Variants in KAZN observed in about 807,000 individuals in gnomAD.
The protein encoded by KAZN is kazrin, periplakin interacting protein, also known as kazrin.
Under a neutral mutation model 87.4 loss-of-function variants are expected in KAZN, and 40 were observed. The observed-to-expected ratio is 0.46, with a 90% CI of 0.36 to 0.60. The LOEUF is 0.60. KAZN is among the 20% of genes least tolerant of loss of function. The pLI is 0.00. For synonymous variants in KAZN, 466 were observed against 458.3 expected (o/e 1.02, Z -0.22); for missense variants, 898 against 1,073.9 (o/e 0.84, Z 2.29).
intron 2 of KAZN, among the ~76,000 whole-genome samples, chr1:14,504,765 C>A (rs1033126553): frequency 6.6e-6 from 1 of 152,210 alleles, no homozygotes; most frequent in African/African-American, 2.4e-5. Context: ...CTGCTCCACC[C>A]TCTGAGGTAA....
chr1:14,113,331 G>A (rs549379178), intron 1 of KAZN, among the ~76,000 whole-genome samples: 9 of 152,312 alleles, frequency 5.9e-5, no homozygotes, highest in Admixed American at 2.6e-4. Flanking sequence ...GATGTGTGGC[G>A]AAAGGATGAC....
intron 2 of KAZN, among the ~76,000 whole-genome samples, chr1:14,364,695 TTCTC>T (rs1420924546): frequency 1.3e-5 from 2 of 152,190 alleles, no homozygotes; most frequent in African/African-American, 4.8e-5. Context: ...CAGAAATTCA[TTCTC>T]TCTGAGTTCT....
chr1:14,597,941 TCAAC>T (rs1676612875), upstream of KAZN, among the ~76,000 whole-genome samples: 1 of 152,116 alleles, frequency 6.6e-6, no homozygotes, highest in African/African-American at 2.4e-5. Flanking sequence ...GCAGCAGGGC[TCAAC>T]TCTTCTGCTC....
At chr1:14,521,919 A>C (rs2148465626) in intron 2 of KAZN, among the ~76,000 whole-genome samples, 1 of 152,328 alleles carries the variant, frequency 6.6e-6, no homozygotes, top group Non-Finnish European at 1.5e-5. Context: ...TCATTTTCGG[A>C]GACATCAGCA....
At chr1:14,887,811 T>C (rs753764167) in intron 1 of KAZN, among the ~76,000 whole-genome samples, 10 of 152,152 alleles carry the variant, frequency 6.6e-5, no homozygotes, top group Non-Finnish European at 1.2e-4. Flanking sequence ...CCCTTCCTTC[T>C]TTCTCTGTCT....
intron 2 of KAZN, among the ~76,000 whole-genome samples, chr1:14,215,155 A>G (rs966378315): frequency 6.6e-6 from 1 of 152,218 alleles, no homozygotes; most frequent in Non-Finnish European, 1.5e-5. Context: ...TATGAAATTG[A>G]CAAAGTTTGG....
At chr1:14,086,668 TA>T (rs1351144499) in intron 1 of KAZN, among the ~76,000 whole-genome samples, 2 of 152,230 alleles carry the variant, frequency 1.3e-5, no homozygotes, top group Non-Finnish European at 2.9e-5. Flanking sequence ...TATTTTCTCC[TA>T]TTTTTTTCTA....
intron 1 of KAZN, among the ~76,000 whole-genome samples, chr1:14,141,216 C>G (rs1430131102): frequency 6.8e-6 from 1 of 146,682 alleles, no homozygotes; most frequent in East Asian, 2.0e-4. Flanking sequence ...CTCCATGACA[C>G]TGTTGAAGTG....
chr1:14,696,939 G>A (rs1641635555), intron 1 of KAZN, among the ~76,000 whole-genome samples: 1 of 152,046 alleles, frequency 6.6e-6, no homozygotes, highest in Non-Finnish European at 1.5e-5. Flanking sequence ...GGGGGTCCTT[G>A]AGTTCACATT....
chr1:14,607,160 A>G (rs1035526514), intron 1 of KAZN, among the ~76,000 whole-genome samples: 3 of 152,164 alleles, frequency 2.0e-5, no homozygotes, highest in African/African-American at 7.2e-5. Flanking sequence ...TATCATGAGG[A>G]TCATTGATTT....
chr1:13,906,944 G>C (rs1639460332), intron 1 of KAZN, among the ~76,000 whole-genome samples: 1 of 152,182 alleles, frequency 6.6e-6, no homozygotes, highest in African/African-American at 2.4e-5. Context: ...GATTCTTCGG[G>C]AAGTAAGGCT....
intron 1 of KAZN, among the ~76,000 whole-genome samples, chr1:14,659,211 G>A (rs905692350): frequency 6.6e-6 from 1 of 151,952 alleles, no homozygotes; most frequent in African/African-American, 2.4e-5. Context: ...CTGTGTGACA[G>A]ATCAAGACTC....
rs1469490699 is a variant in KAZN, at chr1:15,116,854, G to A, written c.*2219G>A. Reference sequence around the variant, plus strand: ...CTTGCTGGAGACAAGTGGACAATTGGGGGTCACTGGCAGAGACAGTATTGC... The same window carrying A: ...CTTGCTGGAGACAAGTGGACAATTGAGGGTCACTGGCAGAGACAGTATTGC... On this transcript the variant is annotated 3_prime_UTR_variant, in exon 15 of 15. Transcript: ENST00000376030. 1 of 152,232 alleles carries A rather than the reference G, an allele frequency of 6.6e-6. No individual in the cohort carries two copies. Among genetic ancestry groups the A allele is most frequent in the East Asian group, 1.9e-4 (1 of 5,192 alleles). The allele number at this position is 152,232 out of a possible 1,614,324, so 9.4% of individuals were successfully genotyped here.
At chr1:14,669,310 G>C (rs575346965) in intron 1 of KAZN, among the ~76,000 whole-genome samples, 1 of 152,186 alleles carries the variant, frequency 6.6e-6, no homozygotes, top group Admixed American at 6.5e-5. Flanking sequence ...GGAGCCAGTA[G>C]GTAAAGGTCA....
At chr1:14,802,076 A>G (rs954994272) in intron 1 of KAZN, among the ~76,000 whole-genome samples, 1 of 151,850 alleles carries the variant, frequency 6.6e-6, no homozygotes, top group African/African-American at 2.4e-5. Flanking sequence ...TCGTCCAGAA[A>G]GCTTTCGTCG....
chr1:14,852,835 G>A (rs774514408), intron 1 of KAZN, among the ~76,000 whole-genome samples: 2 of 152,214 alleles, frequency 1.3e-5, no homozygotes, highest in Non-Finnish European at 2.9e-5. Flanking sequence ...TGTGGTCCCT[G>A]TACCAGCAAC....
chr1:14,893,687 C>A (rs1288533519), intron 1 of KAZN, among the ~76,000 whole-genome samples: 1 of 152,016 alleles, frequency 6.6e-6, no homozygotes, highest in Non-Finnish European at 1.5e-5. Context: ...GGTCTCAGAC[C>A]CTGAGGCCAG....
At chr1:14,383,905 C>A (rs1460952429) in intron 2 of KAZN, among the ~76,000 whole-genome samples, 1 of 151,876 alleles carries the variant, frequency 6.6e-6, no homozygotes, top group Non-Finnish European at 1.5e-5. Flanking sequence ...TTACCTTGGG[C>A]AGTATGGCCA....
At chr1:14,899,136 T>C (rs1655580644) in intron 1 of KAZN, among the ~76,000 whole-genome samples, 1 of 152,064 alleles carries the variant, frequency 6.6e-6, no homozygotes, top group Non-Finnish European at 1.5e-5. Context: ...GCAGATGTGT[T>C]GAATGAAGGG....
Sources: gnomAD v4.1 joint callset for allele counts (sites outside exome capture counted in the v4.1 genomes callset) on GRCh38, gnomAD v4.1.1 for gene constraint, MANE v1.5 for transcripts, NCBI Gene and HGNC (gene_info 2026-07-23, HGNC 2026-07-21) for gene names.